PPARA: variants seen among roughly 807,000 people sequenced by gnomAD.
PPARA encodes the protein peroxisome proliferator-activated receptor alpha.
A neutral mutation model predicts 42.2 loss-of-function variants in PPARA; 22 were observed. That is an observed-to-expected ratio of 0.52 (90% CI 0.37 to 0.74). PPARA has a LOEUF of 0.74. Ranked by LOEUF, PPARA falls within the 30% of genes least tolerant of loss-of-function variation. The pLI, the probability that PPARA is intolerant of heterozygous loss-of-function variation, is 0.00. For synonymous variants in PPARA, 242 were observed against 239.3 expected, an observed-to-expected ratio of 1.01 and a Z score of -0.10; for missense variants, 465 against 608.2, an observed-to-expected ratio of 0.76 and a Z score of 2.48.
intron 3 of PPARA, among the ~76,000 whole-genome samples, chr22:46,185,890 G>A (rs1429230330): frequency 3.6e-5 from 2 of 56,240 alleles, no homozygotes; most frequent in African/African-American, 8.7e-5. Context: ...GTGAGACTCC[G>A]TCTCCAAAAA....
intron 4 of PPARA, among the ~76,000 whole-genome samples, chr22:46,199,844 T>A (rs886617992): frequency 1.3e-5 from 2 of 152,118 alleles, no homozygotes; most frequent in African/African-American, 4.8e-5. Flanking sequence ...TGCCTCAGCC[T>A]CCCTAGTAGC....
intron 3 of PPARA, among the ~76,000 whole-genome samples, chr22:46,178,357 C>T (rs1472334112): frequency 6.6e-6 from 1 of 152,148 alleles, no homozygotes; most frequent in Non-Finnish European, 1.5e-5. Flanking sequence ...ATAACAAAAC[C>T]TCCATACAAA....
At chr22:46,154,904 G>T (rs1925025516) in intron 2 of PPARA, 4 of 141,328 alleles carry the variant, frequency 2.8e-5, no homozygotes, top group African/African-American at 1.1e-4. Context: ...AAACTCCTGG[G>T]CTCAAGCCAT....
rs1245205164 is a variant in PPARA, at chr22:46,227,385, G to A, written c.712-4407G>A. 1.3e-5 allele frequency among the ~76,000 whole-genome samples: 2 copies of A among 152,076 alleles called. No homozygotes were observed. Among genetic ancestry groups the A allele is most frequent in the Non-Finnish European group, 1.5e-5 (1 of 68,022 alleles). On this transcript the variant is annotated intron_variant, in intron 7 of 8. Transcript: ENST00000407236. This position sits in a 1 kb window ranked among gnomAD's most constrained non-coding sequence, Gnocchi z 4.3. ...TCCTGCCTCAGCCTCCTAAGTAGCT[G>A]GGATTACAGGTGCCAGCCACCACAC... is the stretch of plus-strand genomic sequence containing the variant.
rs375422649 is a variant in PPARA at position 46,221,526 on chromosome 22, G to A, written c.711+1512G>A. ...AGAAAGGGCCACTTGTAAGCCAGGC[G>A]TGGTGGCTCACGCCTGTCATCCCAG... On this transcript the variant is annotated intron_variant, in intron 7 of 8. Coordinates refer to ENST00000407236, the MANE Select transcript of PPARA (RefSeq NM_005036.6). The surrounding 1 kb of genome is among the most constrained non-coding windows in gnomAD (Gnocchi z 5.9). Among the ~76,000 whole-genome samples, 122 of 152,330 alleles carry A rather than the reference G, an allele frequency of 8.0e-4. 1 individual carries two copies. The South Asian group carries it at 0.023, about 28-fold the overall frequency.
intron 6 of PPARA, among the ~76,000 whole-genome samples, chr22:46,218,758 C>T (rs1214818030): frequency 2.0e-5 from 3 of 150,896 alleles, no homozygotes; most frequent in African/African-American, 2.4e-5. Context: ...CGCTTGAACC[C>T]GGGAGGCGGA....
In PPARA at chr22:46,200,466, C is replaced by A. The variant is rs181464608; in HGVS notation, c.208+1875C>A. 6.6e-6 allele frequency among the ~76,000 whole-genome samples: 1 copy of A among 152,214 alleles called. No individual in the cohort carries two copies. Among genetic ancestry groups the A allele is most frequent in the Non-Finnish European group, 1.5e-5 (1 of 68,048 alleles). ...TGTGACACAATGGTAAGTATTTGTG[C>A]GTCTAAACATACCAAAACATATAGT... On this transcript the variant is annotated intron_variant, in intron 4 of 8. Transcript: ENST00000407236. The surrounding 1 kb of genome is among the most constrained non-coding windows in gnomAD (Gnocchi z 4.8).
intron 4 of PPARA, among the ~76,000 whole-genome samples, chr22:46,205,014 T>A (rs1302165875): frequency 6.6e-6 from 1 of 150,460 alleles, no homozygotes; most frequent in Admixed American, 6.6e-5. Context: ...ACCACAGGTG[T>A]GTACCACCAT....
rs900071506 is a variant in PPARA at position 46,187,723 on chromosome 22, G to C, written c.-42-10619G>C. 5.3e-5 allele frequency among the ~76,000 whole-genome samples: 8 copies of C among 152,184 alleles called. No homozygotes were observed. The highest frequency in any genetic ancestry group is 1.5e-5 in the Non-Finnish European group (1 of 68,036). On this transcript the variant is annotated intron_variant, in intron 3 of 8. Transcript: ENST00000407236. This position sits in a 1 kb window ranked among gnomAD's most constrained non-coding sequence, Gnocchi z 4.9. ...TTAACAATGTGCCATGATTGGCACTGCTGGCCTCTCCTACCTCTGCAGACT... is the reference window on the plus strand; with the variant it reads ...TTAACAATGTGCCATGATTGGCACTCCTGGCCTCTCCTACCTCTGCAGACT...
rs992267893 is a variant in PPARA at position 46,161,858 on chromosome 22, C to A, written c.-127+9888C>A. Among the ~76,000 whole-genome samples, 1 of 152,168 alleles carries A rather than the reference C, an allele frequency of 6.6e-6. No individual in the cohort carries two copies. The highest frequency in any genetic ancestry group is 1.5e-5 in the Non-Finnish European group (1 of 68,028). ...TGCGCTTTTCTGGATGCCCCCACCC[C>A]CTCTGGCTCCACGAGGCCCCCTGTA... On this transcript the variant is annotated intron_variant, in intron 2 of 8. Coordinates refer to ENST00000407236, the MANE Select transcript of PPARA (RefSeq NM_005036.6). This position sits in a 1 kb window ranked among gnomAD's most constrained non-coding sequence, Gnocchi z 4.8.
chr22:46,218,130 T>A (rs1353764578), intron 5 of PPARA, 133 bp from the exon 6 acceptor site: 1 of 1,240,362 alleles, frequency 8.1e-7, no homozygotes, highest in Non-Finnish European at 1.1e-6. Flanking sequence ...ATGCCTGGCC[T>A]GGAATAACTT....
rs2147267056 is a variant in PPARA, at chr22:46,182,082, ACAG to A, written c.-43+5247_-43+5249del. 6.6e-6 allele frequency among the ~76,000 whole-genome samples: 1 copy of A among 152,278 alleles called. No homozygotes were observed. The highest frequency in any genetic ancestry group is 1.9e-4 in the East Asian group (1 of 5,188). ...GCTGGTCTTGAACTCCTGACCTCAG[ACAG>A]TCTGCCTGCCTTGGCCTCCCAAAGT... On this transcript the variant is annotated intron_variant, in intron 3 of 8. Coordinates refer to ENST00000407236, the MANE Select transcript of PPARA (RefSeq NM_005036.6). The surrounding 1 kb of genome is among the most constrained non-coding windows in gnomAD (Gnocchi z 5.2).
rs1454856252 is a variant in PPARA, at chr22:46,153,191, C to CA, written c.-127+1222dup. On this transcript the variant is annotated intron_variant, in intron 2 of 8. Transcript: ENST00000407236. ...TTTTTTTTTTTTTTTTTTTTTGTGA[C>CA]AGAGTTTTGCTCTTGTCACCCAGGC... 4.1e-4 allele frequency among the ~76,000 whole-genome samples: 24 copies of CA among 58,470 alleles called. 1 individual carries two copies. The East Asian group carries it at 0.013, about 31-fold the overall frequency. The allele number at this position is 58,470 out of a possible 152,430, so 38.4% of individuals were successfully genotyped here. A position where few individuals can be genotyped will look rare whatever the true frequency, so the allele number is the denominator to read the frequency against.
Position 46,216,687 on chromosome 22 carries a change from T to A in PPARA, c.369+1354T>A, listed in dbSNP as rs2147561737. ...TCAAGCGACAGGAACCCCCTGTGCA[T>A]CTTCATCCTCCTGCTGGCTCAGCCT... On this transcript the variant is annotated intron_variant, in intron 5 of 8. Transcript: ENST00000407236. The surrounding 1 kb of genome is among the most constrained non-coding windows in gnomAD (Gnocchi z 4.5). Among the ~76,000 whole-genome samples, 1 of 152,352 alleles carries A rather than the reference T, an allele frequency of 6.6e-6. No homozygotes were observed.
At position 46,225,085 on chromosome 22, in the gene PPARA, G is replaced by T. The variant is rs887568360; in HGVS notation, c.711+5071G>T. 6.6e-6 allele frequency among the ~76,000 whole-genome samples: 1 copy of T among 152,152 alleles called. No homozygotes were observed. Among genetic ancestry groups the T allele is most frequent in the Non-Finnish European group, 1.5e-5 (1 of 68,034 alleles). On this transcript the variant is annotated intron_variant, in intron 7 of 8. Transcript: ENST00000407236. This position sits in a 1 kb window ranked among gnomAD's most constrained non-coding sequence, Gnocchi z 4.1. ...ACGGAGGAGGCTGTGGGGGCAGGGG[G>T]AGGCCGCTGCATGGAGCCGCATAGA...
rs542549146 is a variant in PPARA at position 46,237,205 on chromosome 22, G to A, written c.*1825G>A. 2.0e-5 allele frequency: 3 copies of A among 152,284 alleles called. No individual in the cohort carries two copies. Among genetic ancestry groups the A allele is most frequent in the South Asian group, 4.1e-4 (2 of 4,820 alleles). 9.4% of individuals were successfully genotyped at this position (152,284 alleles called of 1,614,324 possible). On this transcript the variant is annotated 3_prime_UTR_variant, in exon 9 of 9. Transcript: ENST00000407236. This position sits in a 1 kb window ranked among gnomAD's most constrained non-coding sequence, Gnocchi z 6.7. ...CCCATGACCAGCATTATGAAAATGCGAGAGTGGGAAGGACACAGTGTGAGA... is the reference window on the plus strand; with the variant it reads ...CCCATGACCAGCATTATGAAAATGCAAGAGTGGGAAGGACACAGTGTGAGA...
Position 46,195,441 on chromosome 22 carries a change from C to T in PPARA, c.-42-2901C>T, listed in dbSNP as rs1339502272. On this transcript the variant is annotated intron_variant, in intron 3 of 8. Transcript: ENST00000407236. This position sits in a 1 kb window ranked among gnomAD's most constrained non-coding sequence, Gnocchi z 4.6. The stretch of plus-strand genomic sequence containing the variant: ...GTAGGTTACAGAGAAAGAAAGTCTT[C>T]TAAACCCTATGAAAGGTTAACAGTT... Among the ~76,000 whole-genome samples, 1 of 151,588 alleles carries T rather than the reference C, an allele frequency of 6.6e-6. No individual in the cohort carries two copies. Among genetic ancestry groups the T allele is most frequent in the African/African-American group, 2.4e-5 (1 of 40,994 alleles).
chr22:46,235,558 T>G lies in PPARA; in HGVS notation c.*178T>G. 5 of 822,274 alleles carry G rather than the reference T, an allele frequency of 6.1e-6. No homozygotes were observed. Among genetic ancestry groups the G allele is most frequent in the Non-Finnish European group, 9.5e-6 (5 of 526,752 alleles). The allele number at this position is 822,274 out of a possible 1,614,324, so 50.9% of individuals were successfully genotyped here. On this transcript the variant is annotated 3_prime_UTR_variant, in exon 9 of 9. Coordinates refer to ENST00000407236, the MANE Select transcript of PPARA (RefSeq NM_005036.6). This position sits in a 1 kb window ranked among gnomAD's most constrained non-coding sequence, Gnocchi z 7.0. ...ATATCTTTGTTTTAACCAGTACTTCTAAGAGCATAGAACTCAAATGCTGGG... is the reference window on the plus strand; with the variant it reads ...ATATCTTTGTTTTAACCAGTACTTCGAAGAGCATAGAACTCAAATGCTGGG...
In PPARA at chr22:46,194,893, C is replaced by G. The variant is rs921669777; in HGVS notation, c.-42-3449C>G. 2.6e-5 allele frequency among the ~76,000 whole-genome samples: 3 copies of G among 116,048 alleles called. No homozygotes were observed. In the Admixed American group the frequency reaches 2.7e-4, roughly 10 times the overall value. The allele number at this position is 116,048 out of a possible 152,430, so 76.1% of individuals were successfully genotyped here. On this transcript the variant is annotated intron_variant, in intron 3 of 8. Transcript: ENST00000407236. ...CTGGCCCCAGCTACCTGTTTTCTTT[C>G]TTTTTTTTTTTTTTTTTTCTTTTTT...
Sources: gnomAD v4.1 joint callset for allele counts (sites outside exome capture counted in the v4.1 genomes callset) on GRCh38, gnomAD v4.1.1 for gene constraint, Gnocchi (gnomAD v3.1) non-coding constraint, MANE v1.5 for transcripts, NCBI Gene and HGNC (gene_info 2026-07-23, HGNC 2026-07-21) for gene names.